The following SLC8A3 variants were observed in gnomAD, a reference collection of about 807,000 sequenced individuals.
SLC8A3 encodes the protein sodium/calcium exchanger 3.
SLC8A3 carries 37 observed loss-of-function variants against 65.4 expected under a neutral mutation model. The ratio of observed to expected loss-of-function variants is 0.57; its 90% confidence interval spans 0.44 to 0.74. The LOEUF (loss-of-function observed/expected upper bound fraction) is 0.74, where lower values mean the gene tolerates loss of function less well. Ranked by LOEUF, SLC8A3 falls within the 30% of genes least tolerant of loss-of-function variation. The pLI is 0.00. For missense variants in SLC8A3, 1,112 were observed against 1,172.1 expected, an observed-to-expected ratio of 0.95 and a Z score of 0.75; for synonymous variants, 461 against 444.5, an observed-to-expected ratio of 1.04 and a Z score of -0.47.
chr14:70,125,484 T>C (rs573662033), intron 2 of SLC8A3, among the ~76,000 whole-genome samples: 4 of 152,324 alleles, frequency 2.6e-5, no homozygotes, highest in South Asian at 2.1e-4. Context: ...GTTCCTTCCA[T>C]ATTGCTGCAA....
Position 70,182,577 on chromosome 14 carries a change from C to A in SLC8A3, c.-63+5802G>T, listed in dbSNP as rs1230263327. 2.7e-5 allele frequency among the ~76,000 whole-genome samples: 4 copies of A among 146,988 alleles called. No individual in the cohort carries two copies. In the Admixed American group the frequency reaches 2.7e-4, roughly 10 times the overall value. On this transcript the variant is annotated intron_variant, in intron 1 of 6. Coordinates refer to ENST00000356921, the MANE Select transcript of SLC8A3 (RefSeq NM_182932.3). ...GAGAGAGAGAGAGAAAGAGGGAGGACAGCGGGCAGCTCTTTGGAATAAGTC... is the reference window on the plus strand; with the variant it reads ...GAGAGAGAGAGAGAAAGAGGGAGGAAAGCGGGCAGCTCTTTGGAATAAGTC...
At chr14:70,096,725 A>G (rs1410238995) in intron 2 of SLC8A3, among the ~76,000 whole-genome samples, 1 of 152,216 alleles carries the variant, frequency 6.6e-6, no homozygotes, top group East Asian at 1.9e-4. Context: ...GTCCCTCTTC[A>G]TTCTCAAGTC....
chr14:70,098,081 A>G (rs1045534099), intron 2 of SLC8A3, among the ~76,000 whole-genome samples: 2 of 152,176 alleles, frequency 1.3e-5, no homozygotes, highest in Admixed American at 6.5e-5. Context: ...ACTCCCTAGC[A>G]TAAGTGTCAC....
At chr14:70,103,574 C>T (rs954904621) in intron 2 of SLC8A3, among the ~76,000 whole-genome samples, 2 of 151,714 alleles carry the variant, frequency 1.3e-5, no homozygotes, top group Non-Finnish European at 2.9e-5. Context: ...TGAAGTGGTA[C>T]AATATGATTT....
At chr14:70,170,580 T>C (rs570495624) in intron 1 of SLC8A3, among the ~76,000 whole-genome samples, 1 of 152,246 alleles carries the variant, frequency 6.6e-6, no homozygotes, top group Non-Finnish European at 1.5e-5. Flanking sequence ...GCCTTCTTTA[T>C]TTTTTATCTG....
At chr14:70,107,709 C>T (rs538577290) in intron 2 of SLC8A3, among the ~76,000 whole-genome samples, 1 of 152,254 alleles carries the variant, frequency 6.6e-6, no homozygotes, top group Admixed American at 6.5e-5. Context: ...AGAACCAAAG[C>T]TTTCCTTTCT....
rs1289889758 is a variant in SLC8A3, at chr14:70,051,121, A to G, written c.2014-14T>C. The G allele has an allele frequency of 6.3e-6, 10 of 1,579,604 alleles. No homozygotes were observed. The Middle Eastern group carries it at 6.6e-4, about 105-fold the overall frequency. On this transcript the variant is annotated splice_polypyrimidine_tract_variant and intron_variant, in intron 4 of 6. Coordinates refer to ENST00000356921, the MANE Select transcript of SLC8A3 (RefSeq NM_182932.3). The stretch of plus-strand genomic sequence containing the variant: ...GTCCACCGTAGTCTGTTAAGAAGAG[A>G]AAAACTTGGAACCATGAGGTTAGAA...
chr14:70,119,990 T>C (rs1170416609), intron 2 of SLC8A3, among the ~76,000 whole-genome samples: 1 of 152,080 alleles, frequency 6.6e-6, no homozygotes, highest in African/African-American at 2.4e-5. Context: ...GGGGAGTGTA[T>C]GTAGAAGTGG....
At chr14:70,143,043 C>T (rs1383103953) in intron 2 of SLC8A3, among the ~76,000 whole-genome samples, 1 of 152,220 alleles carries the variant, frequency 6.6e-6, no homozygotes, top group African/African-American at 2.4e-5. Context: ...CCCCAGCTTA[C>T]CCTGTGGGGG....
intron 1 of SLC8A3, among the ~76,000 whole-genome samples, chr14:70,169,691 T>A (rs1050911302): frequency 2.9e-5 from 3 of 103,560 alleles, no homozygotes; most frequent in Non-Finnish European, 3.8e-5. Flanking sequence ...AAAAAAAAAG[T>A]GGGGGGGGGG....
intron 2 of SLC8A3, among the ~76,000 whole-genome samples, chr14:70,154,846 T>C (rs1357607745): frequency 6.6e-6 from 1 of 152,146 alleles, no homozygotes; most frequent in Non-Finnish European, 1.5e-5. Flanking sequence ...GAGTGATATT[T>C]TGACACATGT....
At chr14:70,051,839 A>T in intron 4 of SLC8A3, 151 bp downstream of exon 4, 1 of 617,966 alleles carries the variant, frequency 1.6e-6, no homozygotes, top group South Asian at 2.0e-5. Context: ...TTCATGTTAC[A>T]AATGGGGAAA....
At chr14:70,075,962 C>T (rs1183799596) in intron 2 of SLC8A3, among the ~76,000 whole-genome samples, 7 of 152,140 alleles carry the variant, frequency 4.6e-5, no homozygotes, top group Non-Finnish European at 1.0e-4. Context: ...CTAACAAGTT[C>T]CCAGGTAACA....
intron 2 of SLC8A3, among the ~76,000 whole-genome samples, chr14:70,080,487 G>A (rs182524403): frequency 3.3e-5 from 5 of 152,224 alleles, no homozygotes; most frequent in East Asian, 1.9e-4. Context: ...AAAACTGCTC[G>A]CTACACTGGC....
At chr14:70,098,550 G>C (rs902024126) in intron 2 of SLC8A3, among the ~76,000 whole-genome samples, 1 of 152,278 alleles carries the variant, frequency 6.6e-6, no homozygotes, top group South Asian at 2.1e-4. Flanking sequence ...GGTTAGATGG[G>C]GGCAGCGGGA....
intron 2 of SLC8A3, among the ~76,000 whole-genome samples, chr14:70,066,282 G>T (rs1360809026): frequency 2.6e-5 from 4 of 152,200 alleles, no homozygotes; most frequent in African/African-American, 9.7e-5. Flanking sequence ...CCTTACTTCT[G>T]CTCAAGTCAC....
chr14:70,150,168 T>C (rs1025164081), intron 2 of SLC8A3, among the ~76,000 whole-genome samples: 6 of 152,224 alleles, frequency 3.9e-5, no homozygotes, highest in African/African-American at 1.4e-4. Flanking sequence ...ATCATACCCC[T>C]GGTGAGGAAT....
intron 2 of SLC8A3, among the ~76,000 whole-genome samples, chr14:70,143,739 G>T (rs1030185134): frequency 1.3e-5 from 2 of 152,102 alleles, no homozygotes; most frequent in Non-Finnish European, 2.9e-5. Flanking sequence ...AGCACTAACA[G>T]CTCCAATAAC....
Position 70,048,796 on chromosome 14 carries a change from A to G in SLC8A3, c.2360T>C (p.Val787Ala). Reference protein sequence around the residue: ...IGLKDSVTAVVFVAFGTSVPD... With the variant: ...IGLKDSVTAVAFVAFGTSVPD... ...GACAGAGGTGCCAAATGCCACGAAA[A>G]CAACAGCTGTGACTGAATCTTTGAG... Residue 787 changes from valine to alanine, a missense_variant, in exon 6 of 7, where the codon GTT becomes GCT. Physicochemically the swap from Val to Ala is moderately conservative, Grantham distance 64. Coordinates refer to ENST00000356921, the MANE Select transcript of SLC8A3 (RefSeq NM_182932.3). 6.2e-7 allele frequency: 1 copy of G among 1,614,122 alleles called. No homozygotes were observed. Among genetic ancestry groups the G allele is most frequent in the Non-Finnish European group, 8.5e-7 (1 of 1,180,022 alleles).
Sources: gnomAD v4.1 joint callset for allele counts (sites outside exome capture counted in the v4.1 genomes callset) on GRCh38, gnomAD v4.1.1 for gene constraint, MANE v1.5 for transcripts, NCBI Gene and HGNC (gene_info 2026-07-23, HGNC 2026-07-21) for gene names.